Variants in DPP10 observed in about 807,000 individuals in gnomAD.
The protein encoded by DPP10 is dipeptidyl peptidase like 10, also known as inactive dipeptidyl peptidase 10.
DPP10 carries 33 observed loss-of-function variants against 120.9 expected under a neutral mutation model. That is an observed-to-expected ratio of 0.27 (90% CI 0.21 to 0.37). DPP10 has a LOEUF of 0.37. DPP10 is among the 10% of genes least tolerant of loss of function. DPP10 has a pLI of 1.00. For missense variants in DPP10, 816 were observed against 942.8 expected (o/e 0.87, Z 1.76); for synonymous variants, 337 against 326.1 (o/e 1.03, Z -0.36).
At chr2:114,625,502 CTTT>C (rs1254826714) in intron 1 of DPP10, among the ~76,000 whole-genome samples, 4 of 151,944 alleles carry the variant, frequency 2.6e-5, no homozygotes, top group Non-Finnish European at 5.9e-5. Context: ...ATTTCTTCTT[CTTT>C]TAAGTTGAAG....
chr2:115,603,122 C>CTGTG lies in DPP10; in HGVS notation c.441+77194_441+77197dup, dbSNP rs61161169. Among the ~76,000 whole-genome samples the CTGTG allele has an allele frequency of 3.9e-3, 555 of 143,986 alleles. 4 individuals are homozygous for CTGTG. The highest frequency in any genetic ancestry group is 5.6e-3 in the Non-Finnish European group (366 of 65,670). 94.5% of individuals were successfully genotyped at this position (143,986 alleles called of 152,430 possible). Reference sequence around the variant, plus strand: ...GTTATCATTTAAAAAATAAATAAAACTGTGTGTGTGTGTGTGTGTGTGTGT... The same window carrying CTGTG: ...GTTATCATTTAAAAAATAAATAAAACTGTGTGTGTGTGTGTGTGTGTGTGTGTGT... On this transcript the variant is annotated intron_variant, in intron 5 of 25. Coordinates refer to ENST00000410059, the MANE Select transcript of DPP10 (RefSeq NM_020868.6).
chr2:115,550,728 A>T (rs1473745909), intron 5 of DPP10, among the ~76,000 whole-genome samples: 1 of 152,152 alleles, frequency 6.6e-6, no homozygotes, highest in African/African-American at 2.4e-5. Context: ...CAGACTCTCT[A>T]TTGAAATTCT....
At chr2:115,660,868 G>C (rs2088902666) in intron 5 of DPP10, among the ~76,000 whole-genome samples, 1 of 151,612 alleles carries the variant, frequency 6.6e-6, no homozygotes, top group South Asian at 2.1e-4. Flanking sequence ...CATGAGTTCT[G>C]GGATAATTCT....
intron 1 of DPP10, among the ~76,000 whole-genome samples, chr2:115,202,989 G>A (rs2055851865): frequency 6.6e-6 from 1 of 152,080 alleles, no homozygotes; most frequent in Non-Finnish European, 1.5e-5. Flanking sequence ...AAAATCTTTT[G>A]GAGTTAATGC....
intron 5 of DPP10, among the ~76,000 whole-genome samples, chr2:115,562,293 T>G (rs2080737461): frequency 6.6e-6 from 1 of 152,168 alleles, no homozygotes; most frequent in Non-Finnish European, 1.5e-5. Context: ...TCTGCCTCTA[T>G]TCTAGTCACC....
chr2:114,518,868 C>A (rs1253876139), intron 1 of DPP10, among the ~76,000 whole-genome samples: 1 of 152,200 alleles, frequency 6.6e-6, no homozygotes, highest in African/African-American at 2.4e-5. Context: ...GCTTTTCAAA[C>A]TGTGTTTCAT....
intron 1 of DPP10, among the ~76,000 whole-genome samples, chr2:115,294,253 CTAG>C (rs1296693808): frequency 6.6e-6 from 1 of 152,030 alleles, no homozygotes; most frequent in Non-Finnish European, 1.5e-5. Flanking sequence ...ATGCATTTAA[CTAG>C]TAGGTTGACC....
chr2:114,461,459 G>T (rs905027217), intron 1 of DPP10: 7 of 463,172 alleles, frequency 1.5e-5, no homozygotes, highest in African/African-American at 1.3e-4. Context: ...GGTCTTTCAA[G>T]GTTGCCTTTA....
intron 12 of DPP10, among the ~76,000 whole-genome samples, chr2:115,766,807 G>A (rs1021994427): frequency 1.3e-5 from 2 of 152,114 alleles, no homozygotes; most frequent in East Asian, 1.9e-4. Context: ...AGGGATGGGG[G>A]AGGTGTTATA....
chr2:114,788,970 G>A (rs1043757401), intron 1 of DPP10, among the ~76,000 whole-genome samples: 19 of 152,194 alleles, frequency 1.2e-4, no homozygotes, highest in African/African-American at 3.6e-4. Flanking sequence ...GGTTCCATGG[G>A]ATGATGATAT....
intron 21 of DPP10, among the ~76,000 whole-genome samples, chr2:115,823,032 A>G (rs1687961318): frequency 6.6e-6 from 1 of 152,092 alleles, no homozygotes; most frequent in African/African-American, 2.4e-5. Context: ...TATATTTAGC[A>G]TCATTATCTG....
At chr2:114,655,906 C>A (rs139023821) in intron 1 of DPP10, among the ~76,000 whole-genome samples, 297 of 152,142 alleles carry the variant, frequency 2.0e-3, no homozygotes, top group Middle Eastern at 6.8e-3. Context: ...CTAATTCTGT[C>A]AAAGAGAGAA....
intron 1 of DPP10, among the ~76,000 whole-genome samples, chr2:115,265,897 T>A (rs1269197059): frequency 6.7e-6 from 1 of 149,160 alleles, no homozygotes; most frequent in African/African-American, 2.5e-5. Flanking sequence ...TGAGCTCAGA[T>A]CATGCCACTG....
intron 1 of DPP10, among the ~76,000 whole-genome samples, chr2:115,047,734 T>TA (rs1260181312): frequency 3.3e-5 from 5 of 152,030 alleles, no homozygotes; most frequent in Non-Finnish European, 5.9e-5. Context: ...TTTCTAAAAT[T>TA]AAAAAACCCC....
rs541402904 is a variant in DPP10 at position 115,472,458 on chromosome 2, A to G, written c.272-27052A>G. On this transcript the variant is annotated intron_variant, in intron 3 of 25. Coordinates refer to ENST00000410059, the MANE Select transcript of DPP10 (RefSeq NM_020868.6). The stretch of plus-strand genomic sequence containing the variant: ...ATTTTATTCTCAATATCATTTCAAC[A>G]TATGACCTATAAAAATGAGATTTTT... 7.9e-5 allele frequency among the ~76,000 whole-genome samples: 12 copies of G among 152,324 alleles called. No individual in the cohort carries two copies. The South Asian group carries it at 2.3e-3, about 29-fold the overall frequency.
At chr2:114,551,357 A>G (rs968931959) in intron 1 of DPP10, among the ~76,000 whole-genome samples, 32 of 152,110 alleles carry the variant, frequency 2.1e-4, no homozygotes, top group Admixed American at 6.5e-4. Context: ...TATATTCTCA[A>G]TGAGGTTGTA....
chr2:115,044,798 A>G (rs1450836671), intron 1 of DPP10, among the ~76,000 whole-genome samples: 1 of 152,078 alleles, frequency 6.6e-6, no homozygotes, highest in Non-Finnish European at 1.5e-5. Context: ...TCTGATAACT[A>G]TCATTCTATT....
intron 5 of DPP10, among the ~76,000 whole-genome samples, chr2:115,677,493 A>T (rs947283574): frequency 1.3e-5 from 2 of 152,202 alleles, no homozygotes; most frequent in Non-Finnish European, 2.9e-5. Context: ...TGAATCGATT[A>T]AAAAACAAGA....
intron 1 of DPP10, among the ~76,000 whole-genome samples, chr2:114,812,907 A>C (rs532634476): frequency 1.9e-3 from 290 of 152,294 alleles, no homozygotes; most frequent in African/African-American, 6.7e-3. Flanking sequence ...AGGCTTGGCT[A>C]ATGCCCAAGG....
Sources: gnomAD v4.1 joint callset for allele counts (sites outside exome capture counted in the v4.1 genomes callset) on GRCh38, gnomAD v4.1.1 for gene constraint, MANE v1.5 for transcripts, NCBI Gene and HGNC (gene_info 2026-07-23, HGNC 2026-07-21) for gene names.